RANBP2: variants seen among roughly 807,000 people sequenced by gnomAD.
The protein encoded by RANBP2 is E3 SUMO-protein ligase RanBP2.
A neutral mutation model predicts 303.6 loss-of-function variants in RANBP2; 57 were observed. That is an observed-to-expected ratio of 0.19 (90% CI 0.15 to 0.23). The LOEUF is 0.23. Among genes scored for constraint, RANBP2 ranks in the 10% least tolerant of loss-of-function variants. RANBP2 has a pLI of 1.00. For missense variants in RANBP2, 3,138 were observed against 3,780.8 expected (o/e 0.83, Z 4.46); for synonymous variants, 1,167 against 1,301.5 (o/e 0.90, Z 2.23).
the RANBP2 span, among the ~76,000 whole-genome samples, chr2:109,188,030 G>C: frequency 6.6e-6 from 1 of 152,226 alleles, no homozygotes; most frequent in Non-Finnish European, 1.5e-5. Flanking sequence ...TGCTTGGGTG[G>C]AGTCTGCACC....
the RANBP2 span, among the ~76,000 whole-genome samples, chr2:109,727,453 C>A: frequency 3.9e-5 from 6 of 152,202 alleles, no homozygotes; most frequent in Non-Finnish European, 8.8e-5. Context: ...GGACTCCAAG[C>A]CGAGTCCGTA....
At chr2:109,220,417 T>A in the RANBP2 span, among the ~76,000 whole-genome samples, 1 of 152,088 alleles carries the variant, frequency 6.6e-6, no homozygotes, top group Non-Finnish European at 1.5e-5. Flanking sequence ...AAGAAAAAAA[T>A]ACATAATTTG....
At chr2:108,782,007 A>T in intron 26 of RANBP2, 121 bp from the exon 27 acceptor site, 1 of 1,117,198 alleles carries the variant, frequency 9.0e-7, no homozygotes, top group Non-Finnish European at 1.3e-6. Context: ...ACCAGTTATC[A>T]CATTAACAAA....
the RANBP2 span, among the ~76,000 whole-genome samples, chr2:109,237,337 G>A: frequency 8.8e-3 from 1,342 of 152,090 alleles, 7 homozygotes; most frequent in Non-Finnish European, 0.014. Flanking sequence ...AATCAAAGAG[G>A]TACACATTGA....
At chr2:109,574,276 A>C in the RANBP2 span, among the ~76,000 whole-genome samples, 2 of 144,362 alleles carry the variant, frequency 1.4e-5, no homozygotes, top group African/African-American at 5.0e-5. Flanking sequence ...CCAACTCCAC[A>C]AAAAAAAAAA....
chr2:109,431,112 A>G, the RANBP2 span, among the ~76,000 whole-genome samples: 10 of 152,298 alleles, frequency 6.6e-5, no homozygotes, highest in Middle Eastern at 3.4e-3. Flanking sequence ...CGTGAGCTGC[A>G]TTCTGTTTCT....
At chr2:109,546,345 T>C in the RANBP2 span, 8 of 585,188 alleles carry the variant, frequency 1.4e-5, no homozygotes, top group African/African-American at 3.8e-5. Flanking sequence ...CAGAATAACC[T>C]ACACAGTCAA....
chr2:108,966,633 T>G, the RANBP2 span, among the ~76,000 whole-genome samples: 1 of 152,226 alleles, frequency 6.6e-6, no homozygotes, highest in Admixed American at 6.5e-5. Context: ...GAAACCCTAC[T>G]GTCTTCAGGA....
Position 108,763,663 on chromosome 2 carries a change from G to A in RANBP2, c.3124G>A (p.Gly1042Ser). The A allele has an allele frequency of 6.2e-7, 1 of 1,614,010 alleles. No homozygotes were observed. The highest frequency in any genetic ancestry group is 8.5e-7 in the Non-Finnish European group (1 of 1,179,950). ...KFNSNFKSND[G>S]DFTFSSPQVV... ...TAACTCAAATTTCAAATCAAATGAT[G>A]GTGACTTCACGTTTTCCTCACCACA... The change falls in exon 20 of 29, where the codon GGT becomes AGT. Residue 1042 changes from glycine (G) to serine (S), a missense_variant. By Grantham distance (56) the Gly-to-Ser change is moderately conservative. Transcript: ENST00000283195.
chr2:108,830,186 C>T, the RANBP2 span, among the ~76,000 whole-genome samples: 72 of 152,208 alleles, frequency 4.7e-4, no homozygotes, highest in South Asian at 5.0e-3. Flanking sequence ...ATTCTGCTTC[C>T]GTGCATGCAG....
the RANBP2 span, among the ~76,000 whole-genome samples, chr2:108,978,259 C>A: frequency 6.6e-6 from 1 of 152,108 alleles, no homozygotes; most frequent in African/African-American, 2.4e-5. Flanking sequence ...CCAGGCAGGG[C>A]GTGGAAGTGT....
the RANBP2 span, among the ~76,000 whole-genome samples, chr2:108,793,149 A>G: frequency 6.6e-6 from 1 of 151,270 alleles, no homozygotes; most frequent in African/African-American, 2.4e-5. Context: ...CGAGGTCAGG[A>G]GATCCAGACC....
At chr2:109,385,380 C>T in the RANBP2 span, among the ~76,000 whole-genome samples, 1 of 152,232 alleles carries the variant, frequency 6.6e-6, no homozygotes, top group African/African-American at 2.4e-5. Context: ...TCCCATGTCA[C>T]TCTGCAGAGA....
At chr2:109,173,918 G>A in the RANBP2 span, among the ~76,000 whole-genome samples, 2 of 152,244 alleles carry the variant, frequency 1.3e-5, no homozygotes, top group Non-Finnish European at 2.9e-5. Context: ...AATCCGGTGT[G>A]GGCCAATTCT....
rs1676187479 is a variant in RANBP2, at chr2:108,755,002, C to G, written c.2300C>G (p.Ser767Cys). Residue 767 changes from serine (S) to cysteine (C), a missense_variant, in exon 16 of 29, where the codon TCT becomes TGT. Ser to Cys is a moderately radical substitution (Grantham distance 112, BLOSUM62 -1). This residue lies in a region of RANBP2 where 194 missense variants were observed against 197.4 expected (regional missense o/e 0.98). Coordinates refer to ENST00000283195, the MANE Select transcript of RANBP2 (RefSeq NM_006267.5). The part of the protein sequence containing the change: ...SEGGPLYKNG[S>C]LRNADSEIKH... ...GGAGGTCCTCTCTATAAAAATGGTTCTTTGCGAAATGCAGATTCAGAAATA... is the reference window on the plus strand; with the variant it reads ...GGAGGTCCTCTCTATAAAAATGGTTGTTTGCGAAATGCAGATTCAGAAATA... 1.2e-6 allele frequency: 2 copies of G among 1,611,852 alleles called. No homozygotes were observed. Among genetic ancestry groups the G allele is most frequent in the South Asian group, 1.1e-5 (1 of 90,992 alleles).
intron 4 of RANBP2, among the ~76,000 whole-genome samples, chr2:108,733,035 G>T (rs1366109886): frequency 6.6e-6 from 1 of 152,008 alleles, no homozygotes; most frequent in Non-Finnish European, 1.5e-5. Flanking sequence ...TGTTGGCCTG[G>T]CTGGTCTCGA....
At chr2:109,313,310 G>T in the RANBP2 span, among the ~76,000 whole-genome samples, 5 of 152,234 alleles carry the variant, frequency 3.3e-5, no homozygotes, top group Non-Finnish European at 5.9e-5. Flanking sequence ...CCCAAGGGGG[G>T]AGGCTGGCAT....
the RANBP2 span, among the ~76,000 whole-genome samples, chr2:109,481,644 G>A: frequency 6.6e-6 from 1 of 152,112 alleles, no homozygotes; most frequent in Non-Finnish European, 1.5e-5. Context: ...AAACCAAAGC[G>A]GCCAAGGGGC....
the RANBP2 span, among the ~76,000 whole-genome samples, chr2:109,709,455 T>C: frequency 1.3e-5 from 2 of 152,170 alleles, no homozygotes; most frequent in African/African-American, 4.8e-5. Context: ...AGTGTGGGGT[T>C]TGGAGTCTGA....
Sources: gnomAD v4.1 joint callset for allele counts (sites outside exome capture counted in the v4.1 genomes callset) on GRCh38, gnomAD v4.1.1 for gene constraint, gnomAD v4.1.1 regional missense constraint, MANE v1.5 for transcripts, NCBI Gene and HGNC (gene_info 2026-07-23, HGNC 2026-07-21) for gene names.